Variants in NR2F1-AS1 observed in about 807,000 individuals in gnomAD.
NR2F1-AS1 encodes the protein NR2F1 antisense RNA 1.
At chr5:93,528,342 C>A (rs915878582) in intron 4 of NR2F1-AS1, among the ~76,000 whole-genome samples, 12 of 152,138 alleles carry the variant, frequency 7.9e-5, no homozygotes, top group African/African-American at 2.7e-4. Context: ...ATCAAAACCA[C>A]AATGAAATTA....
intron 4 of NR2F1-AS1, among the ~76,000 whole-genome samples, chr5:93,416,543 G>A (rs898055505): frequency 1.3e-5 from 2 of 152,128 alleles, no homozygotes; most frequent in Non-Finnish European, 2.9e-5. Flanking sequence ...AACAGCAACA[G>A]CTGACATGTG....
intron 4 of NR2F1-AS1, among the ~76,000 whole-genome samples, chr5:93,445,423 A>G (rs1749676742): frequency 1.3e-5 from 2 of 152,224 alleles, no homozygotes; most frequent in African/African-American, 4.8e-5. Context: ...AAACACCTCT[A>G]CGCAAATAAA....
intron 1 of NR2F1-AS1, among the ~76,000 whole-genome samples, chr5:93,577,422 T>C (rs973437627): frequency 2.6e-5 from 4 of 152,236 alleles, no homozygotes; most frequent in Admixed American, 1.3e-4. Context: ...ACCAGAAGCC[T>C]GACTCCTAAC....
At chr5:93,419,809 G>A (rs1031152044) in intron 4 of NR2F1-AS1, among the ~76,000 whole-genome samples, 5 of 152,134 alleles carry the variant, frequency 3.3e-5, no homozygotes, top group African/African-American at 1.2e-4. Flanking sequence ...AAACAGATGG[G>A]GGACCAGAAT....
At chr5:93,418,224 G>A (rs1749008461) in intron 4 of NR2F1-AS1, among the ~76,000 whole-genome samples, 1 of 152,258 alleles carries the variant, frequency 6.6e-6, no homozygotes, top group East Asian at 1.9e-4. Context: ...CCTAAAGGGG[G>A]CCAGCTTGCC....
chr5:93,484,778 C>CAAA (rs61083284), intron 4 of NR2F1-AS1, among the ~76,000 whole-genome samples: 2,073 of 84,254 alleles, frequency 0.025, 49 homozygotes, highest in African/African-American at 0.07. Context: ...AAATGGAAAG[C>CAAA]AAAAAAAAAA....
In NR2F1-AS1 at chr5:93,557,295, C is replaced by A. The variant is rs1016766077; in HGVS notation, n.414-2300G>T. On this transcript the variant is annotated intron_variant and non_coding_transcript_variant, in intron 2 of 5. Coordinates refer to ENST00000660523, the Ensembl canonical transcript of NR2F1-AS1. ...ATAGTATAATGAGTTACTTGATGAG[C>A]AATAATATTGGTATAGACCAGGAAT... Among the ~76,000 whole-genome samples the A allele has an allele frequency of 3.9e-5, 6 of 152,206 alleles. No homozygotes were observed. In the East Asian group the frequency reaches 9.7e-4, roughly 24 times the overall value.
upstream of NR2F1-AS1, chr5:93,581,125 T>C (rs1753018394): frequency 2.0e-5 from 3 of 152,176 alleles, no homozygotes; most frequent in African/African-American, 7.2e-5. Context: ...GAACGAGTAT[T>C]AAAAAACAAA....
At chr5:93,544,246 C>T (rs1324269522) in intron 4 of NR2F1-AS1, among the ~76,000 whole-genome samples, 1 of 152,074 alleles carries the variant, frequency 6.6e-6, no homozygotes, top group Non-Finnish European at 1.5e-5. Context: ...AAAGTGAAAA[C>T]TAATTTTCAC....
At chr5:93,545,897 C>T (rs1036062561) in intron 4 of NR2F1-AS1, among the ~76,000 whole-genome samples, 2 of 152,170 alleles carry the variant, frequency 1.3e-5, no homozygotes, top group Non-Finnish European at 2.9e-5. Context: ...ATTTCATCCA[C>T]GGAAGTCTAG....
At chr5:93,548,590 C>T (rs867490373) in intron 4 of NR2F1-AS1, among the ~76,000 whole-genome samples, 17 of 152,072 alleles carry the variant, frequency 1.1e-4, no homozygotes, top group African/African-American at 2.9e-4. Flanking sequence ...GGGTCAGGCA[C>T]GGTGGCTCAC....
chr5:93,534,666 C>T (rs529757924), intron 4 of NR2F1-AS1, among the ~76,000 whole-genome samples: 8 of 152,184 alleles, frequency 5.3e-5, no homozygotes, highest in Non-Finnish European at 7.4e-5. Flanking sequence ...AAGGCCTATA[C>T]GGAAGGCCTA....
intron 4 of NR2F1-AS1, among the ~76,000 whole-genome samples, chr5:93,482,290 C>T (rs193239688): frequency 3.3e-5 from 5 of 152,216 alleles, no homozygotes; most frequent in African/African-American, 1.2e-4. Context: ...GTGGGTGCAG[C>T]CTGCAGAGGA....
intron 4 of NR2F1-AS1, among the ~76,000 whole-genome samples, chr5:93,498,571 G>A (rs116319957): frequency 0.015 from 2,209 of 151,766 alleles, 64 homozygotes; most frequent in African/African-American, 0.051. Flanking sequence ...ATTCAAACTC[G>A]CAGAACAGCA....
At chr5:93,522,035 G>C (rs575222987) in intron 4 of NR2F1-AS1, among the ~76,000 whole-genome samples, 11 of 152,288 alleles carry the variant, frequency 7.2e-5, no homozygotes, top group Middle Eastern at 3.4e-3. Flanking sequence ...CCATAAAAAA[G>C]AATAAGATCA....
At chr5:93,485,155 A>T (rs1750688340) in intron 4 of NR2F1-AS1, among the ~76,000 whole-genome samples, 1 of 152,194 alleles carries the variant, frequency 6.6e-6, no homozygotes, top group African/African-American at 2.4e-5. Context: ...AATCAACAGA[A>T]TATACATTCA....
At chr5:93,546,535 A>G (rs1752092111) in intron 4 of NR2F1-AS1, among the ~76,000 whole-genome samples, 3 of 152,220 alleles carry the variant, frequency 2.0e-5, no homozygotes, top group Admixed American at 2.0e-4. Context: ...AACTCTAATC[A>G]GTAAACTACA....
intron 4 of NR2F1-AS1, among the ~76,000 whole-genome samples, chr5:93,552,566 T>C (rs981683889): frequency 6.6e-6 from 1 of 151,614 alleles, no homozygotes; most frequent in Non-Finnish European, 1.5e-5. Context: ...CTCTTCCTCA[T>C]AACTAAAAGT....
intron 4 of NR2F1-AS1, among the ~76,000 whole-genome samples, chr5:93,456,729 G>GCCGGCA (rs1191280619): frequency 6.6e-6 from 1 of 151,532 alleles, no homozygotes; most frequent in Non-Finnish European, 1.5e-5. Context: ...GAGGACCCAC[G>GCCGGCA]CCGGCACCGG....
Sources: gnomAD v4.1 joint callset for allele counts (sites outside exome capture counted in the v4.1 genomes callset) on GRCh38, gnomAD v4.1.1 for gene constraint, MANE v1.5 for transcripts, NCBI Gene and HGNC (gene_info 2026-07-23, HGNC 2026-07-21) for gene names.